The following PCDH11X variants were observed in gnomAD, a reference collection of about 807,000 sequenced individuals.
PCDH11X encodes protocadherin 11 X-linked, also known as protocadherin-11 X-linked.
PCDH11X carries 18 observed loss-of-function variants against 53.3 expected under a neutral mutation model. The ratio of observed to expected loss-of-function variants is 0.34; its 90% CI spans 0.23 to 0.50. The LOEUF is 0.50. Ranked by LOEUF, PCDH11X falls within the 20% of genes least tolerant of loss-of-function variation. PCDH11X has a pLI of 0.98. For missense variants in PCDH11X, 570 were observed against 1,032.4 expected (o/e 0.55, Z 6.14); for synonymous variants, 279 against 393.3 (o/e 0.71, Z 3.44).
chrX:92,494,208 G>T (rs1395781706), intron 10 of PCDH11X, among the ~76,000 whole-genome samples: 7 of 109,342 alleles, frequency 6.4e-5, no homozygotes, highest in Non-Finnish European at 1.1e-4. Flanking sequence ...TATTGGACAT[G>T]AAATAGTAAA....
At chrX:92,102,786 G>A (rs1277185580) in intron 6 of PCDH11X, among the ~76,000 whole-genome samples, 1 of 111,236 alleles carries the variant, frequency 9.0e-6, no homozygotes, top group East Asian at 2.8e-4. Context: ...GAGAGTATAT[G>A]GGTTTGGCAC....
At chrX:91,905,020 AATGATCTTC>A (rs1370906160) in intron 6 of PCDH11X, among the ~76,000 whole-genome samples, 1 of 109,875 alleles carries the variant, frequency 9.1e-6, no homozygotes, top group Non-Finnish European at 1.9e-5. Context: ...TATTGTTTAT[AATGATCTTC>A]CACCAAGAAA....
intron 9 of PCDH11X, among the ~76,000 whole-genome samples, chrX:92,419,575 A>G (rs1178426971): frequency 2.2e-5 from 2 of 90,597 alleles, no homozygotes; most frequent in Non-Finnish European, 4.4e-5. Flanking sequence ...ATTTTCATGT[A>G]TTTATTGATG....
At chrX:91,970,508 A>T (rs1185517789) in intron 6 of PCDH11X, among the ~76,000 whole-genome samples, 1 of 111,513 alleles carries the variant, frequency 9.0e-6, no homozygotes. Context: ...ACCTTTAACT[A>T]GACACAGAAT....
intron 6 of PCDH11X, among the ~76,000 whole-genome samples, chrX:91,938,934 T>C (rs2147852375): frequency 9.0e-6 from 1 of 111,007 alleles, no homozygotes; most frequent in Admixed American, 9.6e-5. Context: ...TAGAAAAATA[T>C]CTGGAAGCCA....
chrX:92,607,626 G>T (rs1281827354), intron 10 of PCDH11X, among the ~76,000 whole-genome samples: 1 of 111,643 alleles, frequency 9.0e-6, no homozygotes, highest in African/African-American at 3.3e-5. Flanking sequence ...TACATCTCAC[G>T]AAAATTGTTA....
chrX:92,564,105 A>C (rs1013885695), intron 10 of PCDH11X, among the ~76,000 whole-genome samples: 1 of 110,830 alleles, frequency 9.0e-6, no homozygotes, highest in Non-Finnish European at 1.9e-5. Context: ...ATTCTGATAA[A>C]AGTAACTGAA....
At chrX:92,333,733 C>T (rs1298354332) in intron 8 of PCDH11X, among the ~76,000 whole-genome samples, 3 of 110,225 alleles carry the variant, frequency 2.7e-5, no homozygotes, top group Non-Finnish European at 5.7e-5. Context: ...ACCAATTTAG[C>T]ATATATAAAT....
At chrX:92,598,439 A>G (rs1425155561) in intron 10 of PCDH11X, among the ~76,000 whole-genome samples, 2 of 110,652 alleles carry the variant, frequency 1.8e-5, no homozygotes, top group African/African-American at 6.6e-5. Flanking sequence ...GCAAGCAGGC[A>G]TATGAAAGTG....
chrX:92,397,381 T>C (rs1289987541), intron 9 of PCDH11X, among the ~76,000 whole-genome samples: 2 of 108,298 alleles, frequency 1.8e-5, no homozygotes, highest in African/African-American at 6.8e-5. Flanking sequence ...AACTGATTGT[T>C]CCATTTAACT....
At position 92,559,250 on chromosome X, in the gene PCDH11X, GAA is replaced by G. The variant is rs2075094964; in HGVS notation, c.3368-59009_3368-59008del. Among the ~76,000 whole-genome samples, 3 of 110,533 alleles carry G rather than the reference GAA, an allele frequency of 2.7e-5. No homozygotes were observed. The South Asian group carries it at 1.1e-3, about 42-fold the overall frequency. ...AAAACAGAATCATTTGCAGGATTAA[GAA>G]AAAAGAATAAATAAAATGCTACATA... On this transcript the variant is annotated intron_variant, in intron 10 of 10. Transcript: ENST00000682573.
At chrX:92,506,214 T>TGC (rs1431167888) in intron 10 of PCDH11X, among the ~76,000 whole-genome samples, 1 of 62,249 alleles carries the variant, frequency 1.6e-5, no homozygotes, top group Non-Finnish European at 3.0e-5. Flanking sequence ...TTCTTTTCTT[T>TGC]TCTTTTTTTT....
intron 1 of PCDH11X, among the ~76,000 whole-genome samples, chrX:91,798,874 C>T (rs1309731547): frequency 9.1e-6 from 1 of 110,189 alleles, no homozygotes; most frequent in Non-Finnish European, 1.9e-5. Flanking sequence ...GAACTCATTT[C>T]TTGTTGGAAT....
chrX:92,589,943 G>T (rs1005165251), intron 10 of PCDH11X, among the ~76,000 whole-genome samples: 4 of 111,578 alleles, frequency 3.6e-5, no homozygotes, highest in African/African-American at 1.3e-4. Context: ...TTAATCTGAA[G>T]ATTATAAGAT....
intron 9 of PCDH11X, among the ~76,000 whole-genome samples, chrX:92,392,284 A>G (rs967776163): frequency 3.6e-5 from 4 of 111,563 alleles, no homozygotes; most frequent in African/African-American, 1.3e-4. Context: ...TGTTTAAAAT[A>G]AAGATAAATA....
intron 8 of PCDH11X, among the ~76,000 whole-genome samples, chrX:92,323,760 T>C (rs1603272029): frequency 1.8e-5 from 2 of 110,513 alleles, no homozygotes; most frequent in African/African-American, 6.6e-5. Flanking sequence ...CTCCCTCTGA[T>C]ACATTTGCAA....
At chrX:91,828,950 ATATCTCAT>A (rs1204472368) in intron 4 of PCDH11X, among the ~76,000 whole-genome samples, 19 of 110,215 alleles carry the variant, frequency 1.7e-4, no homozygotes. Context: ...TTCTAGTGCT[ATATCTCAT>A]TTGCTTTCAA....
At chrX:91,909,169 C>T (rs1428207170) in intron 6 of PCDH11X, among the ~76,000 whole-genome samples, 2 of 110,927 alleles carry the variant, frequency 1.8e-5, no homozygotes. Flanking sequence ...TGCTCCAAAA[C>T]GTGTATCCAT....
Position 91,879,160 on chromosome X carries a change from G to T in PCDH11X, c.2920G>T (p.Ala974Ser), listed in dbSNP as rs1939772726. Residue 974 changes from alanine to serine, a missense_variant, in exon 6 of 11, where the codon GCC becomes TCC. This residue lies in a region of PCDH11X where 234 missense variants were observed against 296.1 expected (regional missense o/e 0.79). Transcript: ENST00000682573. ...QELPLDNTFV[A>S]CDSISKCSSS... ...ACTGCCTCTCGATAACACCTTTGTG[G>T]CCTGTGACTCTATCTCCAAGTGTTC... is the stretch of plus-strand genomic sequence containing the variant. The T allele has an allele frequency of 8.3e-7, 1 of 1,211,295 alleles. No homozygotes were observed. Among genetic ancestry groups the T allele is most frequent in the Non-Finnish European group, 1.1e-6 (1 of 895,392 alleles).
Sources: gnomAD v4.1 joint callset for allele counts (sites outside exome capture counted in the v4.1 genomes callset) on GRCh38, gnomAD v4.1.1 for gene constraint, gnomAD v4.1.1 regional missense constraint, MANE v1.5 for transcripts, NCBI Gene and HGNC (gene_info 2026-07-23, HGNC 2026-07-21) for gene names.